Variants in LETM1 observed in about 807,000 individuals in gnomAD.
LETM1 encodes the protein leucine zipper and EF-hand containing transmembrane protein 1.
A neutral mutation model predicts 74.5 loss-of-function variants in LETM1; 50 were observed. The observed-to-expected ratio is 0.67, with a 90% CI of 0.53 to 0.85. LETM1 has a LOEUF of 0.85. Among genes scored for constraint, LETM1 ranks in the 40% least tolerant of loss-of-function variants. LETM1 has a pLI of 0.00. For missense variants in LETM1, 824 were observed against 967.8 expected, an observed-to-expected ratio of 0.85 and a Z score of 1.97; for synonymous variants, 446 against 407.1, an observed-to-expected ratio of 1.10 and a Z score of -1.15.
chr4:1,823,833 G>A, intron 7 of LETM1, 58 bp from the exon 8 acceptor site: 1 of 1,552,066 alleles, frequency 6.4e-7, no homozygotes, highest in Non-Finnish European at 8.7e-7. Context: ...TGGCCCCACA[G>A]CAGGTCCGCC....
intron 6 of LETM1, among the ~76,000 whole-genome samples, chr4:1,826,279 C>T (rs1414042425): frequency 1.3e-5 from 2 of 152,188 alleles, no homozygotes; most frequent in East Asian, 1.9e-4. Flanking sequence ...TGCAGTAGGG[C>T]CCCCCATCTC....
intron 3 of LETM1, among the ~76,000 whole-genome samples, chr4:1,839,688 G>C (rs1712617565): frequency 6.6e-6 from 1 of 152,178 alleles, no homozygotes; most frequent in Non-Finnish European, 1.5e-5. Context: ...CCTGCCCTAA[G>C]GCAGGTCACT....
intron 11 of LETM1, among the ~76,000 whole-genome samples, chr4:1,817,307 A>G (rs896239223): frequency 1.1e-4 from 16 of 151,622 alleles, no homozygotes; most frequent in Non-Finnish European, 2.1e-4. Flanking sequence ...CTGTAATCCC[A>G]GAACTTTGGG....
chr4:1,851,499 C>T (rs1560511282), intron 1 of LETM1, among the ~76,000 whole-genome samples: 1 of 152,206 alleles, frequency 6.6e-6, no homozygotes, highest in Non-Finnish European at 1.5e-5. Flanking sequence ...ATTCCTACTA[C>T]GTGCCACATT....
intron 2 of LETM1, among the ~76,000 whole-genome samples, chr4:1,844,886 GAAAAAAAAAAAA>G (rs971183682): frequency 2.0e-5 from 1 of 51,046 alleles, no homozygotes; most frequent in African/African-American, 6.2e-5. Context: ...TGTCTCTACA[GAAAAAAAAAAAA>G]AAAAAAAAAA....
intron 2 of LETM1, among the ~76,000 whole-genome samples, chr4:1,847,824 C>CAAAA (rs778839346): frequency 2.4e-5 from 1 of 41,920 alleles, no homozygotes; most frequent in Non-Finnish European, 4.7e-5. Context: ...AACTCGGTCT[C>CAAAA]AAAAAAAAAA....
chr4:1,830,430 G>A (rs1036970295), intron 6 of LETM1, among the ~76,000 whole-genome samples: 16 of 152,190 alleles, frequency 1.1e-4, no homozygotes, highest in Non-Finnish European at 1.8e-4. Flanking sequence ...TCCCAAGCTC[G>A]AGCAATCCTC....
intron 4 of LETM1, among the ~76,000 whole-genome samples, chr4:1,835,464 AAAACAAACAAAC>A (rs752100559): frequency 1.3e-5 from 2 of 149,570 alleles, no homozygotes; most frequent in South Asian, 2.1e-4. Context: ...AAACAAAACA[AAAACAAACAAAC>A]AAACAAACAA....
intron 10 of LETM1, among the ~76,000 whole-genome samples, chr4:1,820,824 G>C (rs1711749873): frequency 6.6e-6 from 1 of 152,166 alleles, no homozygotes; most frequent in South Asian, 2.1e-4. Flanking sequence ...AGGAGTTCGA[G>C]ACCAGCCTGG....
At position 1,855,915 on chromosome 4, in the gene LETM1, C is replaced by A; in HGVS notation, c.36G>T (p.Arg12=). 8.1e-7 allele frequency: 1 copy of A among 1,237,494 alleles called. No homozygotes were observed. The highest frequency in any genetic ancestry group is 3.4e-5 in the South Asian group (1 of 29,216). 76.7% of individuals were successfully genotyped at this position (1,237,494 alleles called of 1,614,324 possible). A position where few individuals can be genotyped will look rare whatever the true frequency, so the allele number is the denominator to read the frequency against. ...GCGGCGGCGGGAGGCGGGCGGGCGC[C>A]CGGCCGCGGCAGCTCCTCAGTAAGA... ...ASILLRSCRG[R]APARLPPPPR... is the part of the protein sequence containing the mutation. Residue 12 remains arginine (R), a synonymous_variant, in exon 1 of 14, where the codon CGG becomes CGT. Transcript: ENST00000302787.
intron 9 of LETM1, 100 bp from the exon 10 acceptor site, chr4:1,822,412 G>T: frequency 8.0e-7 from 1 of 1,254,000 alleles, no homozygotes; most frequent in Non-Finnish European, 1.0e-6. Context: ...CACACTGGGA[G>T]CAGGCCTGCA....
intron 9 of LETM1, 64 bp downstream of exon 9, chr4:1,822,923 CG>C: frequency 7.7e-7 from 1 of 1,296,016 alleles, no homozygotes. Context: ...TGTGGGCGTG[CG>C]GGGGTTTCTA....
rs1712477138 is a variant in LETM1, at chr4:1,836,838, G to A, written c.595-266C>T. Among the ~76,000 whole-genome samples, 1 of 152,080 alleles carries A rather than the reference G, an allele frequency of 6.6e-6. No homozygotes were observed. Among genetic ancestry groups the A allele is most frequent in the Admixed American group, 6.6e-5 (1 of 15,262 alleles). On this transcript the variant is annotated intron_variant, in intron 3 of 13. Transcript: ENST00000302787. The surrounding 1 kb of genome is among the most constrained non-coding windows in gnomAD (Gnocchi z 5.8). Reference sequence around the variant, plus strand: ...GGGCCACTGGGTGCTCCCAGCGATCGAGTCCTCCGAGGACACCGGCCAGCA... The same window carrying A: ...GGGCCACTGGGTGCTCCCAGCGATCAAGTCCTCCGAGGACACCGGCCAGCA...
chr4:1,843,076 C>T (rs1712760186), intron 2 of LETM1: 1 of 280,778 alleles, frequency 3.6e-6, no homozygotes, highest in Non-Finnish European at 7.3e-6. Flanking sequence ...TGTGCATGGC[C>T]TGACGCCAGC....
intron 8 of LETM1, 150 bp from the exon 9 acceptor site, chr4:1,823,281 G>T: frequency 8.9e-7 from 1 of 1,117,896 alleles, no homozygotes; most frequent in Non-Finnish European, 1.2e-6. Context: ...GGTGCTGCCC[G>T]CAATTGCTGG....
At chr4:1,855,410 G>A (rs983542681) in intron 1 of LETM1, among the ~76,000 whole-genome samples, 14 of 152,258 alleles carry the variant, frequency 9.2e-5, no homozygotes, top group African/African-American at 3.1e-4. Context: ...TGTAGGTGCT[G>A]GCATCACCTC....
intron 1 of LETM1, among the ~76,000 whole-genome samples, chr4:1,852,677 G>A (rs1002207473): frequency 1.3e-5 from 2 of 152,158 alleles, no homozygotes; most frequent in African/African-American, 2.4e-5. Context: ...CACTTTGGGA[G>A]GCCAAGGCAG....
chr4:1,845,380 T>A (rs1421638987), intron 2 of LETM1, among the ~76,000 whole-genome samples: 2 of 151,968 alleles, frequency 1.3e-5, no homozygotes, highest in Non-Finnish European at 2.9e-5. Context: ...CCGAGGTAGG[T>A]GGATCACCTG....
At chr4:1,817,082 C>A (rs1577308709) in intron 11 of LETM1, among the ~76,000 whole-genome samples, 168 bp from the exon 12 acceptor site, 1 of 152,032 alleles carries the variant, frequency 6.6e-6, no homozygotes, top group South Asian at 2.1e-4. Flanking sequence ...CCCGCCTCTA[C>A]TAAAAATACA....
Sources: allele counts gnomAD v4.1 joint callset (sites outside exome capture counted in the v4.1 genomes callset), GRCh38; gene constraint gnomAD v4.1.1; non-coding constraint Gnocchi (gnomAD v3.1); transcripts MANE v1.5; gene names NCBI Gene and HGNC (gene_info 2026-07-23, HGNC 2026-07-21).